SPPL2B: variants seen among roughly 807,000 people sequenced by gnomAD.
SPPL2B encodes signal peptide peptidase-like 2B.
SPPL2B carries 39 observed loss-of-function variants against 59.7 expected under a neutral mutation model. That is an observed-to-expected ratio of 0.65 (90% CI 0.51 to 0.85). The LOEUF (loss-of-function observed/expected upper bound fraction) is 0.85. Among genes scored for constraint, SPPL2B ranks in the 40% least tolerant of loss-of-function variants. The pLI is 0.00. For missense variants in SPPL2B, 865 were observed against 849.0 expected, an observed-to-expected ratio of 1.02 and a Z score of -0.23; for synonymous variants, 419 against 370.8, an observed-to-expected ratio of 1.13 and a Z score of -1.49.
intron 13 of SPPL2B, among the ~76,000 whole-genome samples, chr19:2,348,187 C>T (rs1160963867): frequency 3.5e-5 from 4 of 115,444 alleles, no homozygotes; most frequent in South Asian, 3.3e-4. Flanking sequence ...CGCTCTCATT[C>T]GCTTGATTCC....
At chr19:2,340,437 ACCCT>A in intron 7 of SPPL2B, 1 of 631,810 alleles carries the variant, frequency 1.6e-6, no homozygotes, top group Non-Finnish European at 2.9e-6. Flanking sequence ...CGCAGGCCGA[ACCCT>A]GGGTTCCCCA....
At position 2,338,752 on chromosome 19, in the gene SPPL2B, G is replaced by T; in HGVS notation, c.370G>T (p.Val124Phe). ...GCCGCTCCCTCCTCTGGGCCCCCAGGTCCCCCCGGGGGGTAATAAGACGCA... is the reference window on the plus strand; with the variant it reads ...GCCGCTCCCTCCTCTGGGCCCCCAGTTCCCCCCGGGGGGTAATAAGACGCA... ...GLLIVSRERL[V>F]PPGGNKTQYD... Residue 124 changes from valine (V) to phenylalanine (F), a missense_variant and splice_region_variant, in exon 4 of 15, where the codon GTC (valine) becomes TTC (phenylalanine). Coordinates refer to ENST00000613503, the MANE Select transcript of SPPL2B (RefSeq NM_152988.3). 1 of 1,611,970 alleles carries T rather than the reference G, an allele frequency of 6.2e-7. No individual in the cohort carries two copies. The highest frequency in any genetic ancestry group is 8.5e-7 in the Non-Finnish European group (1 of 1,178,642).
chr19:2,341,747 A>G (rs1232388512), intron 8 of SPPL2B: 1 of 387,284 alleles, frequency 2.6e-6, no homozygotes, highest in Non-Finnish European at 5.3e-6. Context: ...CAAAGAGAAA[A>G]TGAATCTTTT....
chr19:2,347,485 ACACT>A (rs778503298), intron 13 of SPPL2B, among the ~76,000 whole-genome samples: 2 of 33,476 alleles, frequency 6.0e-5, no homozygotes, highest in Non-Finnish European at 9.8e-5. Context: ...CTCTCCACAC[ACACT>A]CACGCACTCT....
intron 13 of SPPL2B, among the ~76,000 whole-genome samples, chr19:2,347,735 C>G (rs1362983554): frequency 1.9e-5 from 1 of 52,436 alleles, no homozygotes; most frequent in Admixed American, 1.6e-4. Context: ...CTCACGCGCT[C>G]TCATTCGCCT....
In SPPL2B at chr19:2,344,349, C is replaced by T. The variant is rs776534379; in HGVS notation, c.1114-13C>T. The T allele has an allele frequency of 1.3e-6, 2 of 1,539,088 alleles. No homozygotes were observed. Among genetic ancestry groups the T allele is most frequent in the South Asian group, 1.2e-5 (1 of 83,346 alleles). ...CATCACCACGCTCCCTCACTCAACC[C>T]CATTCTGTGCAGAGTGGGAGCAGCA... is the stretch of plus-strand genomic sequence containing the variant. On this transcript the variant is annotated splice_polypyrimidine_tract_variant and intron_variant, in intron 10 of 14. Transcript: ENST00000613503.
chr19:2,334,498 G>C (rs117277217), intron 1 of SPPL2B, 104 bp from the exon 2 acceptor site: 7 of 1,446,620 alleles, frequency 4.8e-6, no homozygotes, highest in Non-Finnish European at 6.4e-6. Flanking sequence ...GAACATGGGC[G>C]CCCTTCCTGG....
chr19:2,338,813 G>C lies in SPPL2B; in HGVS notation c.431G>C (p.Ser144Thr), dbSNP rs760236389. The change falls in exon 4 of 15, where the codon AGC becomes ACC. Residue 144 changes from serine (S) to threonine (T), a missense_variant. Transcript: ENST00000613503. ...DEIGIPVALL[S>T]YKDMLDIFTR... ...ATTGGCATTCCCGTGGCCCTGCTCA[G>C]CTACAAAGACATGCTGGACATCTTC... 5 of 1,613,634 alleles carry C rather than the reference G, an allele frequency of 3.1e-6. No homozygotes were observed. The South Asian group carries it at 5.5e-5, about 18-fold the overall frequency.
intron 1 of SPPL2B, among the ~76,000 whole-genome samples, 176 bp downstream of exon 1, chr19:2,328,951 C>T (rs1381920280): frequency 6.6e-6 from 1 of 152,208 alleles, no homozygotes; most frequent in Non-Finnish European, 1.5e-5. Flanking sequence ...CCTTGCGGGT[C>T]TGTCCCCGGC....
chr19:2,338,998 CCA>C, intron 4 of SPPL2B, 69 bp from the exon 5 acceptor site: 1 of 1,516,616 alleles, frequency 6.6e-7, no homozygotes, highest in Non-Finnish European at 8.9e-7. Context: ...GCCCCACAGC[CCA>C]CAGCTGCACG....
At position 2,353,937 on chromosome 19, in the gene SPPL2B, C is replaced by T. The variant is rs1263631871; in HGVS notation, c.*728C>T. 2 of 152,378 alleles carry T rather than the reference C, an allele frequency of 1.3e-5. No homozygotes were observed. Among genetic ancestry groups the T allele is most frequent in the Admixed American group, 6.5e-5 (1 of 15,286 alleles). 9.4% of individuals were successfully genotyped at this position (152,378 alleles called of 1,614,324 possible). A position where few individuals can be genotyped will look rare whatever the true frequency, so the allele number is the denominator to read the frequency against. On this transcript the variant is annotated 3_prime_UTR_variant, in exon 15 of 15. Transcript: ENST00000613503. ...TAAATGGTCGCAACTTCTAGAAGTC[C>T]TGCTGGTGCCACCTGGTGGGGTGGA...
At chr19:2,349,787 C>T (rs1217235520) in intron 13 of SPPL2B, among the ~76,000 whole-genome samples, 76 of 111,660 alleles carry the variant, frequency 6.8e-4, no homozygotes, top group Middle Eastern at 7.1e-3. Context: ...GTTCTCTCTC[C>T]ACACACACTC....
rs1969301864 is a variant in SPPL2B at position 2,345,289 on chromosome 19, A to G, written c.1313A>G (p.Gln438Arg). ...LVAYCHRFDI[Q>R]VQSSRVYFVA... is the part of the protein sequence containing the mutation. Reference sequence around the variant, plus strand: ...GCCTACTGCCACAGGTTTGACATCCAGGTACAGTCCTCCAGGGTATACTTC... The same window carrying G: ...GCCTACTGCCACAGGTTTGACATCCGGGTACAGTCCTCCAGGGTATACTTC... The change falls in exon 13 of 15, where the codon CAG becomes CGG. Residue 438 changes from glutamine (Q) to arginine (R), a missense_variant. By Grantham distance (43) the Gln-to-Arg change is conservative. Coordinates refer to ENST00000613503, the MANE Select transcript of SPPL2B (RefSeq NM_152988.3). 1 of 1,612,980 alleles carries G rather than the reference A, an allele frequency of 6.2e-7. No homozygotes were observed. Among genetic ancestry groups the G allele is most frequent in the South Asian group, 1.1e-5 (1 of 91,070 alleles).
chr19:2,341,498 A>G (rs1214885796), intron 8 of SPPL2B: 1 of 445,320 alleles, frequency 2.2e-6, no homozygotes, highest in African/African-American at 2.0e-5. Flanking sequence ...CGTGGCCTGG[A>G]CTTGTGGCTG....
chr19:2,340,528 G>C, intron 7 of SPPL2B: 1 of 590,752 alleles, frequency 1.7e-6, no homozygotes. Context: ...GGAGCTGCTG[G>C]GGGGTCTCCA....
intron 13 of SPPL2B, among the ~76,000 whole-genome samples, chr19:2,347,178 ACG>A (rs201199261): frequency 1.3e-5 from 2 of 148,438 alleles, no homozygotes; most frequent in African/African-American, 2.6e-5. Context: ...CTCCACACAC[ACG>A]CGCTCTCATT....
At chr19:2,331,318 A>T (rs186128242) in intron 1 of SPPL2B, among the ~76,000 whole-genome samples, 23 of 152,274 alleles carry the variant, frequency 1.5e-4, no homozygotes, top group Admixed American at 6.5e-5. Context: ...TAGTTTCTGA[A>T]CCTGTGTGCG....
At chr19:2,336,986 G>T (rs77893715) in intron 2 of SPPL2B, 10,104 of 158,858 alleles carry the variant, frequency 0.064, 1,110 homozygotes, top group African/African-American at 0.23. Flanking sequence ...GCGTGTTCCG[G>T]CCTGGCTGTG....
At position 2,344,634 on chromosome 19, in the gene SPPL2B, G is replaced by A. The variant is rs1969266151; in HGVS notation, c.1258G>A (p.Gly420Arg). Residue 420 changes from glycine (G) to arginine (R), a missense_variant, in exon 12 of 15, where the codon GGA (glycine) becomes AGA (arginine). By Grantham distance (125) the Gly-to-Arg change is moderately radical. Coordinates refer to ENST00000613503, the MANE Select transcript of SPPL2B (RefSeq NM_152988.3). ...CDRPFSLLGF[G>R]DILVPGLLVA... Reference sequence around the variant, plus strand: ...CCGGCCCTTCTCCCTCCTGGGTTTCGGAGACATTTTGGTGCCAGGTACTGA... The same window carrying A: ...CCGGCCCTTCTCCCTCCTGGGTTTCAGAGACATTTTGGTGCCAGGTACTGA... 1 of 1,611,952 alleles carries A rather than the reference G, an allele frequency of 6.2e-7. No homozygotes were observed. Among genetic ancestry groups the A allele is most frequent in the Non-Finnish European group, 8.5e-7 (1 of 1,178,832 alleles).
Sources: allele counts gnomAD v4.1 joint callset (sites outside exome capture counted in the v4.1 genomes callset), GRCh38; gene constraint gnomAD v4.1.1; transcripts MANE v1.5; gene names NCBI Gene and HGNC (gene_info 2026-07-23, HGNC 2026-07-21).